Variants in RB1CC1 observed in about 807,000 individuals in gnomAD.
The protein encoded by RB1CC1 is RB1 inducible coiled-coil 1, also known as RB1-inducible coiled-coil protein 1.
Under a neutral mutation model 177.5 loss-of-function variants are expected in RB1CC1, and 46 were observed. The observed-to-expected ratio is 0.26, with a 90% confidence interval of 0.20 to 0.33. RB1CC1 has a LOEUF of 0.33. RB1CC1 is among the 10% of genes least tolerant of loss of function. RB1CC1 has a pLI of 1.00. For missense variants in RB1CC1, 1,703 were observed against 1,816.3 expected (o/e 0.94, Z 1.13); for synonymous variants, 666 against 613.6 (o/e 1.09, Z -1.26).
Position 52,657,856 on chromosome 8 carries a change from C to T in RB1CC1, c.1973G>A (p.Ser658Asn). 1 of 1,613,998 alleles carries T rather than the reference C, an allele frequency of 6.2e-7. No homozygotes were observed. The highest frequency in any genetic ancestry group is 8.5e-7 in the Non-Finnish European group (1 of 1,179,984). The change falls in exon 15 of 24, where the codon AGT becomes AAT. Residue 658 changes from serine (S) to asparagine (N), a missense_variant. By Grantham distance (46) the Ser-to-Asn change is conservative (BLOSUM62 1). Around this residue, in one of 6 missense-constraint regions of RB1CC1, gnomAD observed 1,169 missense variants for 1,184.7 expected, o/e 0.99. Coordinates refer to ENST00000025008, the MANE Select transcript of RB1CC1 (RefSeq NM_014781.5). ...GGTAGTAGTTGTAATTCCTGCTGTA[C>T]TTTCCATCCTTGGTGAAGAAGCAGA... ...PQSASSPRME[S>N]TAGITTTTSP...
intron 1 of RB1CC1, among the ~76,000 whole-genome samples, chr8:52,711,255 C>A (rs911516004): frequency 6.6e-6 from 1 of 152,050 alleles, no homozygotes; most frequent in East Asian, 1.9e-4. Flanking sequence ...CCAACAGAAC[C>A]GGAACTTTAC....
In RB1CC1 at chr8:52,661,152, G is replaced by A. The variant is rs1214148371; in HGVS notation, c.1488C>T (p.Tyr496=). The A allele has an allele frequency of 3.1e-6, 5 of 1,613,752 alleles. No homozygotes were observed. The highest frequency in any genetic ancestry group is 1.6e-4 in the Middle Eastern group (1 of 6,076). ...VEALSTVPQM[Y]CLAVVEVVRR... is the part of the protein sequence containing the mutation. ...TTACAACCTCAACAACAGCTAAGCAGTACATCTGAGGAACTGTACTAAGAG... is the reference window on the plus strand; with the variant it reads ...TTACAACCTCAACAACAGCTAAGCAATACATCTGAGGAACTGTACTAAGAG... Residue 496 remains tyrosine (Y), a synonymous_variant, in exon 10 of 24, where the codon TAC becomes TAT. Coordinates refer to ENST00000025008, the MANE Select transcript of RB1CC1 (RefSeq NM_014781.5).
At chr8:52,687,049 A>G (rs527641499) in intron 1 of RB1CC1, 82 bp from the exon 2 acceptor site, 1 of 432,758 alleles carries the variant, frequency 2.3e-6, no homozygotes, top group East Asian at 7.1e-5. Context: ...TCTTCCTTTT[A>G]AAACTACCGT....
chr8:52,714,127 G>A lies in RB1CC1; in HGVS notation c.-219C>T. The A allele has an allele frequency of 6.2e-6, 2 of 323,004 alleles. No homozygotes were observed. The highest frequency in any genetic ancestry group is 1.6e-4 in the East Asian group (1 of 6,110). The allele number at this position is 323,004 out of a possible 1,614,324, so 20.0% of individuals were successfully genotyped here. ...GCAGCAGCAGAGCCAGCGACCCCCG[G>A]CACCATCTTCCGCCGCCGCCTAGTC... On this transcript the variant is annotated 5_prime_UTR_variant, in exon 1 of 24. Transcript: ENST00000025008.
chr8:52,713,367 T>C (rs146165710), intron 1 of RB1CC1, among the ~76,000 whole-genome samples: 1 of 152,162 alleles, frequency 6.6e-6, no homozygotes, highest in African/African-American at 2.4e-5. Context: ...GAAGAAACTA[T>C]AGAGATATTC....
intron 1 of RB1CC1, among the ~76,000 whole-genome samples, chr8:52,692,728 G>C (rs112871998): frequency 1.7e-4 from 26 of 152,206 alleles, no homozygotes; most frequent in East Asian, 7.7e-4. Flanking sequence ...TTTAGAAATA[G>C]CAACACTTTT....
At chr8:52,641,717 T>A (rs761228352) in intron 18 of RB1CC1, among the ~76,000 whole-genome samples, 7 of 152,228 alleles carry the variant, frequency 4.6e-5, no homozygotes, top group Non-Finnish European at 7.4e-5. Context: ...GCCCTTGGAA[T>A]CTCAGTTCCC....
At chr8:52,646,596 G>T (rs1353483445) in intron 15 of RB1CC1, among the ~76,000 whole-genome samples, 3 of 152,130 alleles carry the variant, frequency 2.0e-5, no homozygotes, top group Admixed American at 2.0e-4. Flanking sequence ...ATTTCTGCTA[G>T]CAAGTAGGTA....
chr8:52,707,311 G>A (rs1856649923), intron 1 of RB1CC1, among the ~76,000 whole-genome samples: 1 of 151,778 alleles, frequency 6.6e-6, no homozygotes, highest in South Asian at 2.1e-4. Context: ...AACTCAACAT[G>A]TCCAAATTTA....
Position 52,656,124 on chromosome 8 carries a change from A to T in RB1CC1, c.3705T>A (p.Asn1235Lys). The part of the protein sequence containing the change: ...QDREQLIQKL[N>K]CEKDEAIQTA... Reference sequence around the variant, plus strand: ...TCTGAATAGCTTCATCTTTTTCACAATTAAGCTTCTGAATTAACTGTTCTC... The same window carrying T: ...TCTGAATAGCTTCATCTTTTTCACATTTAAGCTTCTGAATTAACTGTTCTC... The change falls in exon 15 of 24, where the codon AAT becomes AAA. Residue 1235 changes from asparagine to lysine, a missense_variant. By Grantham distance (94) the Asn-to-Lys change is moderately conservative. Transcript: ENST00000025008. 2 of 1,613,632 alleles carry T rather than the reference A, an allele frequency of 1.2e-6. No individual in the cohort carries two copies. Among genetic ancestry groups the T allele is most frequent in the Non-Finnish European group, 1.7e-6 (2 of 1,179,784 alleles).
chr8:52,634,937 C>A lies in RB1CC1; in HGVS notation c.4424G>T (p.Arg1475Leu). The change falls in exon 20 of 24, where the codon CGG (arginine) becomes CTG (leucine). Residue 1475 changes from arginine (R) to leucine (L), a missense_variant. Transcript: ENST00000025008. Reference protein sequence around the residue: ...TLQLKEEENKRLNQRLMSQSM... With the variant: ...TLQLKEEENKLLNQRLMSQSM... ...AAATCTTACCAGTCTTTGATTTAAC[C>A]GTTTATTTTCTTCTTCTTTCAATTG... 1 of 1,608,762 alleles carries A rather than the reference C, an allele frequency of 6.2e-7. No individual in the cohort carries two copies. Among genetic ancestry groups the A allele is most frequent in the South Asian group, 1.1e-5 (1 of 90,408 alleles).
chr8:52,636,512 T>A (rs1849153745), intron 18 of RB1CC1, among the ~76,000 whole-genome samples: 1 of 152,158 alleles, frequency 6.6e-6, no homozygotes, highest in African/African-American at 2.4e-5. Flanking sequence ...TAGAAAATTT[T>A]AAAAAATGCT....
chr8:52,630,336 C>T (rs747283937), intron 21 of RB1CC1, 134 bp downstream of exon 21: 5 of 1,066,938 alleles, frequency 4.7e-6, no homozygotes, highest in Middle Eastern at 3.2e-4. Flanking sequence ...CAGTAAAAAA[C>T]TTTTACTACT....
rs148378128 is a variant in RB1CC1 at position 52,678,763 on chromosome 8, T to C, written c.370-2192A>G. On this transcript the variant is annotated intron_variant, in intron 5 of 23. Coordinates refer to ENST00000025008, the MANE Select transcript of RB1CC1 (RefSeq NM_014781.5). ...AGGTAAAATATGAAAGTTTACTTTC[T>C]GGAAGTACAATGATATGAATGTAAA... 1.8e-3 allele frequency among the ~76,000 whole-genome samples: 272 copies of C among 152,322 alleles called. 1 individual carries two copies. The highest frequency in any genetic ancestry group is 6.4e-3 in the African/African-American group (266 of 41,570).
In RB1CC1 at chr8:52,660,808, AT is replaced by A. The variant is rs1275966890; in HGVS notation, c.1627+117del. 4.5e-6 allele frequency: 5 copies of A among 1,101,418 alleles called. No homozygotes were observed. The African/African-American group carries it at 8.0e-5, about 18-fold the overall frequency. The allele number at this position is 1,101,418 out of a possible 1,614,324, so 68.2% of individuals were successfully genotyped here. Reference sequence around the variant, plus strand: ...CAATTCTATACACTTTAAAAGGAATATTTCCTAGATATCAATGGCAATTAAC... The same window carrying A: ...CAATTCTATACACTTTAAAAGGAATATTCCTAGATATCAATGGCAATTAAC... On this transcript the variant is annotated intron_variant, in intron 11 of 23. Transcript: ENST00000025008.
intron 2 of RB1CC1, chr8:52,686,224 T>C (rs1480289539): frequency 6.6e-6 from 1 of 152,072 alleles, no homozygotes; most frequent in East Asian, 1.9e-4. Flanking sequence ...ATCTAGAAAA[T>C]AAAGCTTTTT....
At position 52,683,697 on chromosome 8, in the gene RB1CC1, A is replaced by G; in HGVS notation, c.221T>C (p.Phe74Ser). The G allele has an allele frequency of 6.3e-7, 1 of 1,586,936 alleles. No homozygotes were observed. Among genetic ancestry groups the G allele is most frequent in the Non-Finnish European group, 8.6e-7 (1 of 1,169,354 alleles). Residue 74 changes from phenylalanine (F) to serine (S), a missense_variant, in exon 5 of 24, where the codon TTT becomes TCT. Around this residue, in one of 6 missense-constraint regions of RB1CC1, gnomAD observed 118 missense variants for 121.2 expected, o/e 0.97. Transcript: ENST00000025008. The stretch of plus-strand genomic sequence containing the variant: ...ATCACATAAGATCATTTCTTTGTTA[A>G]AAAGAAAAATTGGATTTGTATCCTA... ...AGTDTNPIFL[F>S]NKEMILCDRP... is the part of the protein sequence containing the mutation.
At chr8:52,652,784 G>T (rs780673357) in intron 15 of RB1CC1, among the ~76,000 whole-genome samples, 1 of 152,242 alleles carries the variant, frequency 6.6e-6, no homozygotes, top group South Asian at 2.1e-4. Context: ...CTGGCCAGGC[G>T]TGGTGGCTCA....
At position 52,668,211 on chromosome 8, in the gene RB1CC1, A is replaced by G; in HGVS notation, c.1003-20T>C. 1.2e-6 allele frequency: 2 copies of G among 1,608,706 alleles called. No homozygotes were observed. The highest frequency in any genetic ancestry group is 8.5e-7 in the Non-Finnish European group (1 of 1,177,420). ...ATCAAGCTAAATGACAAGGAAACAC[A>G]TACGAATACAATTTTCAGCAAATAG... On this transcript the variant is annotated intron_variant, in intron 7 of 23. Transcript: ENST00000025008.
Sources: gnomAD v4.1 joint callset for allele counts (sites outside exome capture counted in the v4.1 genomes callset) on GRCh38, gnomAD v4.1.1 for gene constraint, gnomAD v4.1.1 regional missense constraint, MANE v1.5 for transcripts, NCBI Gene and HGNC (gene_info 2026-07-23, HGNC 2026-07-21) for gene names.